The following ADK variants were observed in gnomAD, a reference collection of about 807,000 sequenced individuals.
ADK encodes the protein adenosine kinase, also known as N6,N6-dimethyladenosine kinase.
A neutral mutation model predicts 44.7 loss-of-function variants in ADK; 24 were observed. The ratio of observed to expected loss-of-function variants is 0.54; its 90% confidence interval spans 0.39 to 0.76. The LOEUF is 0.76. Ranked by LOEUF, ADK falls within the 30% of genes least tolerant of loss-of-function variation. ADK has a pLI of 0.00. For synonymous variants in ADK, 128 were observed against 142.6 expected, an observed-to-expected ratio of 0.90 and a Z score of 0.73; for missense variants, 321 against 425.1, an observed-to-expected ratio of 0.76 and a Z score of 2.15.
intron 1 of ADK, among the ~76,000 whole-genome samples, chr10:74,190,388 C>T (rs1469765024): frequency 2.6e-5 from 4 of 152,184 alleles, no homozygotes; most frequent in Admixed American, 6.5e-5. Flanking sequence ...TGCTTAGGGC[C>T]TTCTCAGGTC....
chr10:74,373,833 C>G (rs1317898682), intron 4 of ADK, among the ~76,000 whole-genome samples: 1 of 152,010 alleles, frequency 6.6e-6, no homozygotes, highest in African/African-American at 2.4e-5. Context: ...AATGTTTGCA[C>G]AAATGTTTAT....
chr10:74,183,037 C>G (rs1842619191), intron 1 of ADK, among the ~76,000 whole-genome samples: 1 of 152,286 alleles, frequency 6.6e-6, no homozygotes, highest in East Asian at 1.9e-4. Flanking sequence ...ACCTCAGCCT[C>G]CTGAGCAGCT....
At chr10:74,349,308 C>G (rs1224123878) in intron 4 of ADK, among the ~76,000 whole-genome samples, 2 of 152,132 alleles carry the variant, frequency 1.3e-5, no homozygotes, top group Admixed American at 1.3e-4. Flanking sequence ...CATATCCAGC[C>G]AAACTAAGCT....
chr10:74,627,861 T>C (rs1036559649), intron 9 of ADK, among the ~76,000 whole-genome samples: 9 of 152,128 alleles, frequency 5.9e-5, no homozygotes, highest in Admixed American at 3.3e-4. Context: ...GATCCCAAAC[T>C]CCTGACCTCA....
chr10:74,397,140 A>C (rs1185234217), intron 5 of ADK, among the ~76,000 whole-genome samples: 1 of 152,130 alleles, frequency 6.6e-6, no homozygotes. Context: ...TTTATAAATT[A>C]GGTCTAAATT....
At chr10:74,570,482 TC>T (rs1334186712) in intron 7 of ADK, among the ~76,000 whole-genome samples, 3 of 150,030 alleles carry the variant, frequency 2.0e-5, no homozygotes, top group Non-Finnish European at 2.9e-5. Context: ...CTTGAAGAGG[TC>T]CCTCCTTGAA....
chr10:74,296,426 CATG>C (rs1331081159), intron 3 of ADK, among the ~76,000 whole-genome samples: 2 of 151,920 alleles, frequency 1.3e-5, no homozygotes, highest in African/African-American at 4.8e-5. Context: ...TTCATCGTCT[CATG>C]AGGAATTCAA....
intron 1 of ADK, among the ~76,000 whole-genome samples, chr10:74,190,185 T>G (rs1372520245): frequency 6.6e-6 from 1 of 152,246 alleles, no homozygotes; most frequent in Non-Finnish European, 1.5e-5. Context: ...CTGAATCACT[T>G]TATAATTTGC....
chr10:74,299,532 A>AT (rs61611421), intron 3 of ADK, among the ~76,000 whole-genome samples: 6 of 145,420 alleles, frequency 4.1e-5, no homozygotes, highest in Admixed American at 6.9e-5. Context: ...ATATATATAT[A>AT]AAATATATTA....
At chr10:74,197,147 A>G (rs1484270941) in intron 1 of ADK, among the ~76,000 whole-genome samples, 1 of 152,202 alleles carries the variant, frequency 6.6e-6, no homozygotes, top group East Asian at 1.9e-4. Context: ...CTAGAGAAAT[A>G]TATTGTGCTG....
chr10:74,340,436 G>C (rs1041993301), intron 4 of ADK, among the ~76,000 whole-genome samples: 4 of 152,044 alleles, frequency 2.6e-5, no homozygotes, highest in Non-Finnish European at 5.9e-5. Flanking sequence ...CAGGTTTCAG[G>C]TGATATATCT....
chr10:74,174,688 T>C (rs1591807427), intron 1 of ADK: 1 of 152,258 alleles, frequency 6.6e-6, no homozygotes, highest in East Asian at 1.9e-4. Flanking sequence ...CTTCAGATCC[T>C]GTTTAATCCA....
At chr10:74,318,058 G>T (rs1262905640) in intron 4 of ADK, among the ~76,000 whole-genome samples, 1 of 152,276 alleles carries the variant, frequency 6.6e-6, no homozygotes, top group East Asian at 1.9e-4. Context: ...GGGATTACAG[G>T]CATGAGCCAC....
At chr10:74,513,604 C>T (rs1423317665) in intron 6 of ADK, among the ~76,000 whole-genome samples, 1 of 152,098 alleles carries the variant, frequency 6.6e-6, no homozygotes, top group African/African-American at 2.4e-5. Flanking sequence ...CCATCCACTT[C>T]CAGTCTGTGT....
chr10:74,629,871 T>C (rs1481229441), intron 9 of ADK, among the ~76,000 whole-genome samples: 1 of 152,156 alleles, frequency 6.6e-6, no homozygotes, highest in Non-Finnish European at 1.5e-5. Flanking sequence ...CGAGAAAAAT[T>C]AAGACCCACT....
At chr10:74,168,072 A>G (rs1259086417) in intron 1 of ADK, among the ~76,000 whole-genome samples, 2 of 152,200 alleles carry the variant, frequency 1.3e-5, no homozygotes, top group African/African-American at 4.8e-5. Context: ...TTTGAATAGC[A>G]CTTATGATCA....
intron 9 of ADK, among the ~76,000 whole-genome samples, chr10:74,643,039 A>C (rs570840110): frequency 1.3e-5 from 2 of 151,802 alleles, no homozygotes; most frequent in East Asian, 3.9e-4. Flanking sequence ...CAGGCATCTC[A>C]CTATGTTGCT....
At position 74,594,671 on chromosome 10, in the gene ADK, TAA is replaced by T. The variant is rs10709030; in HGVS notation, c.762+5368_762+5369del. ...TCTTCAATTCAAAGATACAAATAGG[TAA>T]AAAAAAAAAAAAAGAATGAAGAGAG... On this transcript the variant is annotated intron_variant, in intron 8 of 10. Transcript: ENST00000539909. 8.0e-3 allele frequency among the ~76,000 whole-genome samples: 1,052 copies of T among 131,342 alleles called. 14 individuals are homozygous for T. The highest frequency in any genetic ancestry group is 0.024 in the African/African-American group (881 of 37,182). 86.2% of individuals were successfully genotyped at this position (131,342 alleles called of 152,430 possible). A position where few individuals can be genotyped will look rare whatever the true frequency, so the allele number is the denominator to read the frequency against.
chr10:74,280,882 G>C (rs1236625372), intron 3 of ADK, among the ~76,000 whole-genome samples: 6 of 152,030 alleles, frequency 3.9e-5, no homozygotes, highest in Non-Finnish European at 7.3e-5. Context: ...TTGAATTGTA[G>C]TTATTTTGTC....
Sources: gnomAD v4.1 joint callset for allele counts (sites outside exome capture counted in the v4.1 genomes callset) on GRCh38, gnomAD v4.1.1 for gene constraint, MANE v1.5 for transcripts, NCBI Gene and HGNC (gene_info 2026-07-23, HGNC 2026-07-21) for gene names.